CCDC91: variants seen among roughly 807,000 people sequenced by gnomAD.
CCDC91 encodes coiled-coil domain containing 91.
Under a neutral mutation model 63.2 loss-of-function variants are expected in CCDC91, and 48 were observed. That is an observed-to-expected ratio of 0.76 (90% CI 0.60 to 0.97). The LOEUF is 0.97. Among genes scored for constraint, CCDC91 ranks in the 50% least tolerant of loss-of-function variants. The pLI, the probability that CCDC91 is intolerant of heterozygous loss-of-function variation, is 0.00. For missense variants in CCDC91, 500 were observed against 494.6 expected, an observed-to-expected ratio of 1.01 and a Z score of -0.10; for synonymous variants, 167 against 165.8, an observed-to-expected ratio of 1.01 and a Z score of -0.06.
chr12:28,204,402 A>G (rs1219281082), intron 1 of CCDC91, among the ~76,000 whole-genome samples: 1 of 152,106 alleles, frequency 6.6e-6, no homozygotes, highest in Non-Finnish European at 1.5e-5. Flanking sequence ...ATTTATTTTG[A>G]TTATTAATTT....
At chr12:28,239,625 C>T (rs1945199433) in intron 1 of CCDC91, among the ~76,000 whole-genome samples, 1 of 151,948 alleles carries the variant, frequency 6.6e-6, no homozygotes, top group South Asian at 2.1e-4. Flanking sequence ...AAAGTGTATC[C>T]AACATAAACT....
intron 11 of CCDC91, among the ~76,000 whole-genome samples, chr12:28,479,783 C>A (rs1317283333): frequency 6.6e-6 from 1 of 151,914 alleles, no homozygotes; most frequent in African/African-American, 2.4e-5. Context: ...GAAAATGTGT[C>A]TATCCTTTTC....
intron 7 of CCDC91, among the ~76,000 whole-genome samples, chr12:28,370,263 G>C (rs954204759): frequency 2.0e-5 from 3 of 152,166 alleles, no homozygotes; most frequent in Non-Finnish European, 4.4e-5. Flanking sequence ...TTCACTTCTA[G>C]AATGCTTTGC....
At chr12:28,540,411 G>A (rs1942542872) in intron 12 of CCDC91, among the ~76,000 whole-genome samples, 2 of 152,086 alleles carry the variant, frequency 1.3e-5, no homozygotes, top group Admixed American at 1.3e-4. Flanking sequence ...AGGGCTTTTG[G>A]CACCTTGACA....
At chr12:28,272,966 T>G (rs1947886658) in intron 3 of CCDC91, among the ~76,000 whole-genome samples, 2 of 151,798 alleles carry the variant, frequency 1.3e-5, no homozygotes, top group Admixed American at 1.3e-4. Context: ...ATTAGGTATA[T>G]CTCCAAATGC....
intron 1 of CCDC91, among the ~76,000 whole-genome samples, chr12:28,242,484 C>T (rs930603412): frequency 2.0e-5 from 3 of 152,018 alleles, no homozygotes; most frequent in African/African-American, 4.8e-5. Flanking sequence ...ATATTACTTA[C>T]GGATCCCACA....
intron 1 of CCDC91, among the ~76,000 whole-genome samples, chr12:28,247,124 T>G (rs1422080235): frequency 6.6e-6 from 1 of 152,168 alleles, no homozygotes; most frequent in Non-Finnish European, 1.5e-5. Context: ...AGGATATGGA[T>G]CTGATGGAGA....
intron 2 of CCDC91, among the ~76,000 whole-genome samples, chr12:28,257,867 T>G (rs377115221): frequency 6.6e-6 from 1 of 152,050 alleles, no homozygotes; most frequent in East Asian, 1.9e-4. Context: ...CAGGAAAATC[T>G]CTGGATTAGG....
chr12:28,386,858 T>G (rs1294336194), intron 7 of CCDC91, among the ~76,000 whole-genome samples: 4 of 152,236 alleles, frequency 2.6e-5, no homozygotes, highest in Admixed American at 1.3e-4. Context: ...CATTTCTATC[T>G]GTATATACTG....
At chr12:28,443,963 G>A (rs1949367262) in intron 8 of CCDC91, among the ~76,000 whole-genome samples, 1 of 150,748 alleles carries the variant, frequency 6.6e-6, no homozygotes, top group Non-Finnish European at 1.5e-5. Context: ...CCTGTTTACT[G>A]GTTTTTGACC....
At chr12:28,307,599 T>C in intron 5 of CCDC91, 46 bp from the exon 6 acceptor site, 2 of 976,460 alleles carry the variant, frequency 2.0e-6, no homozygotes, top group Non-Finnish European at 3.1e-6. Context: ...AATTATATTT[T>C]ATGCCATTAA....
chr12:28,390,003 A>T (rs1189183920), intron 7 of CCDC91, among the ~76,000 whole-genome samples: 1 of 152,138 alleles, frequency 6.6e-6, no homozygotes, highest in Admixed American at 6.6e-5. Context: ...AAGCAATTCT[A>T]GTAAGCATTT....
intron 1 of CCDC91, among the ~76,000 whole-genome samples, chr12:28,217,790 G>C (rs1415649264): frequency 6.6e-6 from 1 of 151,974 alleles, no homozygotes; most frequent in African/African-American, 2.4e-5. Flanking sequence ...TTGGATGCAG[G>C]GTGGTGGTAT....
At chr12:28,371,628 T>A (rs1300908482) in intron 7 of CCDC91, among the ~76,000 whole-genome samples, 1 of 152,232 alleles carries the variant, frequency 6.6e-6, no homozygotes, top group African/African-American at 2.4e-5. Context: ...CAGCATCCAA[T>A]TATGCTGTCA....
chr12:28,237,266 A>ACACACACACAC (rs1555163661), intron 1 of CCDC91, among the ~76,000 whole-genome samples: 2 of 150,808 alleles, frequency 1.3e-5, no homozygotes, highest in African/African-American at 2.4e-5. Context: ...ACACACACAC[A>ACACACACACAC]TTTTTTAAAA....
chr12:28,266,872 C>T (rs144593625), intron 3 of CCDC91, among the ~76,000 whole-genome samples: 2 of 151,462 alleles, frequency 1.3e-5, no homozygotes, highest in African/African-American at 4.8e-5. Flanking sequence ...TAAGTTAGCG[C>T]CCCCCGCCCC....
intron 1 of CCDC91, among the ~76,000 whole-genome samples, chr12:28,247,757 CACCAGGG>C (rs1945850583): frequency 6.6e-6 from 1 of 152,108 alleles, no homozygotes; most frequent in African/African-American, 2.4e-5. Context: ...ACCTTGTTGG[CACCAGGG>C]ACTGGTTTTG....
intron 8 of CCDC91, among the ~76,000 whole-genome samples, chr12:28,440,393 A>T (rs1949124356): frequency 3.3e-5 from 5 of 152,180 alleles, no homozygotes. Flanking sequence ...TATACAAACC[A>T]ATTAGTATAC....
rs533446894 is a variant in CCDC91 at position 28,517,811 on chromosome 12, G to A, written c.1216-31252G>A. On this transcript the variant is annotated intron_variant, in intron 12 of 12. Coordinates refer to ENST00000536442, the MANE Select transcript of CCDC91 (RefSeq NM_018318.5). ...TTCCCACCCTTTCCCCCTGAGTCCC[G>A]AAAGTCCACTGTGTCATTTTTATGC... Among the ~76,000 whole-genome samples, 92 of 151,766 alleles carry A rather than the reference G, an allele frequency of 6.1e-4. 1 individual carries two copies. Among genetic ancestry groups the A allele is most frequent in the African/African-American group, 2.1e-3 (88 of 41,444 alleles).
Sources: gnomAD v4.1 joint callset for allele counts (sites outside exome capture counted in the v4.1 genomes callset) on GRCh38, gnomAD v4.1.1 for gene constraint, MANE v1.5 for transcripts, NCBI Gene and HGNC (gene_info 2026-07-23, HGNC 2026-07-21) for gene names.